Variants in GRM5 observed in about 807,000 individuals in gnomAD.
GRM5 encodes glutamate metabotropic receptor 5.
GRM5 carries 19 observed loss-of-function variants against 83.1 expected under a neutral mutation model. The ratio of observed to expected loss-of-function variants is 0.23; its 90% CI spans 0.16 to 0.34. The LOEUF is 0.34. GRM5 is among the 10% of genes least tolerant of loss of function. GRM5 has a pLI of 1.00. For synonymous variants in GRM5, 675 were observed against 633.6 expected (o/e 1.07, Z -0.98); for missense variants, 1,160 against 1,588.3 (o/e 0.73, Z 4.58).
At chr11:88,837,807 G>C (rs1180038595) in intron 3 of GRM5, among the ~76,000 whole-genome samples, 1 of 152,084 alleles carries the variant, frequency 6.6e-6, no homozygotes, top group Non-Finnish European at 1.5e-5. Context: ...TACGTCGGCC[G>C]GGCGCGGTGG....
chr11:88,529,017 A>G lies in GRM5; in HGVS notation c.2631-3613T>C, dbSNP rs566348752. On this transcript the variant is annotated intron_variant, in intron 8 of 9. Coordinates refer to ENST00000305447, the MANE Select transcript of GRM5 (RefSeq NM_001143831.3). ...TTTAAAAACAAAATTACAAAAGCTT[A>G]TTATTTACCTTTTCTCTTCTTGACC... Among the ~76,000 whole-genome samples, 21 of 152,230 alleles carry G rather than the reference A, an allele frequency of 1.4e-4. 1 individual carries two copies. In the South Asian group the frequency reaches 3.3e-3, roughly 24 times the overall value.
chr11:89,008,232 A>T (rs1170347757), intron 2 of GRM5, among the ~76,000 whole-genome samples: 1 of 152,184 alleles, frequency 6.6e-6, no homozygotes, highest in Non-Finnish European at 1.5e-5. Flanking sequence ...TGTAAATTCA[A>T]GGATATATAA....
chr11:88,775,027 C>G (rs1228672738), intron 3 of GRM5, among the ~76,000 whole-genome samples: 1 of 152,118 alleles, frequency 6.6e-6, no homozygotes, highest in Non-Finnish European at 1.5e-5. Flanking sequence ...AGGAATGGTA[C>G]CAGCTCCTCA....
intron 3 of GRM5, among the ~76,000 whole-genome samples, chr11:88,687,573 A>AT (rs1401058819): frequency 0.35 from 12,904 of 36,544 alleles, 3,458 homozygotes; most frequent in Admixed American, 0.42. Context: ...ATATATATAT[A>AT]TATATAATAT....
intron 2 of GRM5, among the ~76,000 whole-genome samples, chr11:88,997,964 C>T (rs576249364): frequency 6.6e-6 from 1 of 151,648 alleles, no homozygotes; most frequent in Admixed American, 6.6e-5. Flanking sequence ...GAATATAGTA[C>T]ATTCATGATA....
intron 2 of GRM5, among the ~76,000 whole-genome samples, chr11:88,991,822 G>A (rs1248969611): frequency 1.3e-5 from 2 of 152,044 alleles, no homozygotes; most frequent in Non-Finnish European, 2.9e-5. Flanking sequence ...GTAGAAAGCT[G>A]AAACTAGATC....
chr11:88,549,805 C>T (rs1040055470), intron 8 of GRM5, among the ~76,000 whole-genome samples: 6 of 152,024 alleles, frequency 3.9e-5, no homozygotes, highest in African/African-American at 1.2e-4. Context: ...TATTCTAAGG[C>T]ATGTATACCC....
At chr11:89,019,601 A>T (rs1940934172) in intron 2 of GRM5, among the ~76,000 whole-genome samples, 1 of 151,866 alleles carries the variant, frequency 6.6e-6, no homozygotes, top group African/African-American at 2.4e-5. Context: ...GCTACCCAGG[A>T]GGTTGAGGCA....
intron 3 of GRM5, among the ~76,000 whole-genome samples, chr11:88,772,239 C>CA (rs1284713087): frequency 1.4e-4 from 21 of 151,682 alleles, no homozygotes; most frequent in Non-Finnish European, 2.7e-4. Flanking sequence ...AAAATGAAAG[C>CA]AAAAAAATGT....
chr11:89,038,786 C>T (rs1941455269), intron 2 of GRM5, among the ~76,000 whole-genome samples: 1 of 152,116 alleles, frequency 6.6e-6, no homozygotes, highest in South Asian at 2.1e-4. Context: ...TCCTTGGAGC[C>T]ACACCTACTC....
chr11:88,973,051 G>C (rs2154982), intron 2 of GRM5, among the ~76,000 whole-genome samples: 1 of 152,102 alleles, frequency 6.6e-6, no homozygotes, highest in Non-Finnish European at 1.5e-5. Context: ...CAGATTGAAA[G>C]GTATTAAAGA....
At chr11:88,666,992 G>A (rs766077860) in intron 3 of GRM5, among the ~76,000 whole-genome samples, 1 of 152,098 alleles carries the variant, frequency 6.6e-6, no homozygotes. Flanking sequence ...AATCAATAGA[G>A]TGAATTTAAA....
chr11:88,811,546 T>A (rs1420275558), intron 3 of GRM5, among the ~76,000 whole-genome samples: 2 of 152,142 alleles, frequency 1.3e-5, no homozygotes, highest in East Asian at 3.9e-4. Context: ...AACATTTGCT[T>A]TTTGGTCTGA....
chr11:88,655,255 T>C (rs1411700042), intron 3 of GRM5, among the ~76,000 whole-genome samples: 1 of 152,068 alleles, frequency 6.6e-6, no homozygotes, highest in African/African-American at 2.4e-5. Flanking sequence ...AGCTGACAAG[T>C]TGAAATGAAG....
At chr11:88,679,660 C>T (rs1410402463) in intron 3 of GRM5, among the ~76,000 whole-genome samples, 1 of 152,010 alleles carries the variant, frequency 6.6e-6, no homozygotes, top group Admixed American at 6.6e-5. Context: ...TTTTATGAGT[C>T]CCTTTAATTT....
Position 88,932,080 on chromosome 11 carries a change from C to T in GRM5, c.662-81925G>A, listed in dbSNP as rs143581230. On this transcript the variant is annotated intron_variant, in intron 2 of 9. Coordinates refer to ENST00000305447, the MANE Select transcript of GRM5 (RefSeq NM_001143831.3). ...TCAGCAAGGATGTAGGGAAGGAAGT[C>T]TCACAAAGTTTTATTGGGTGTATAG... Among the ~76,000 whole-genome samples, 292 of 152,136 alleles carry T rather than the reference C, an allele frequency of 1.9e-3. 3 individuals carry two copies. The highest frequency in any genetic ancestry group is 6.7e-3 in the African/African-American group (277 of 41,532).
chr11:89,007,781 T>G (rs1455929965), intron 2 of GRM5, among the ~76,000 whole-genome samples: 9 of 152,204 alleles, frequency 5.9e-5, no homozygotes, highest in Non-Finnish European at 8.8e-5. Flanking sequence ...AAGACTCTTA[T>G]GAAATCAAGG....
At chr11:88,980,551 G>A (rs1420569084) in intron 2 of GRM5, among the ~76,000 whole-genome samples, 2 of 152,168 alleles carry the variant, frequency 1.3e-5, no homozygotes, top group South Asian at 2.1e-4. Flanking sequence ...GGCCGGGTGC[G>A]GTGGCTCACA....
intron 5 of GRM5, among the ~76,000 whole-genome samples, chr11:88,599,693 C>T (rs968645648): frequency 6.6e-6 from 1 of 152,116 alleles, no homozygotes; most frequent in Admixed American, 6.5e-5. Context: ...ATGATTCAAT[C>T]TAGAAGACTG....
Sources: gnomAD v4.1 joint callset for allele counts (sites outside exome capture counted in the v4.1 genomes callset) on GRCh38, gnomAD v4.1.1 for gene constraint, MANE v1.5 for transcripts, NCBI Gene and HGNC (gene_info 2026-07-23, HGNC 2026-07-21) for gene names.